Variants in EIF5A2 observed in about 807,000 individuals in gnomAD.
The protein encoded by EIF5A2 is eukaryotic translation initiation factor 5A-2.
In EIF5A2, 15 loss-of-function variants were observed where a neutral mutation model predicts 16.4. The ratio of observed to expected loss-of-function variants is 0.92; its 90% CI spans 0.61 to 1.41. EIF5A2 has a LOEUF of 1.41. EIF5A2 is among the 40% of genes most tolerant of loss of function. The pLI is 0.00. For synonymous variants in EIF5A2, 48 were observed against 61.1 expected (o/e 0.79, Z 1.00); for missense variants, 144 against 189.5 (o/e 0.76, Z 1.41).
chr3:170,894,151 G>GA, intron 4 of EIF5A2, 141 bp downstream of exon 4: 1 of 942,636 alleles, frequency 1.1e-6, no homozygotes. Flanking sequence ...GGGTTTTATG[G>GA]AAAACCTGCC....
In EIF5A2 at chr3:170,907,664, G is replaced by A. The variant is rs551131438; in HGVS notation, c.143C>T (p.Thr48Ile). ...CKIVEMSTSKTGKHGHAKVHL... is the reference protein window; with the variant it reads ...CKIVEMSTSKIGKHGHAKVHL... The stretch of plus-strand genomic sequence containing the variant: ...TACCTTGGCATGACCATGCTTTCCA[G>A]TTTTGGAAGTTGACATCTCCACTAT... The change falls in exon 2 of 5, where the codon ACT becomes ATT. Residue 48 changes from threonine (T) to isoleucine (I), a missense_variant. Thr to Ile is a moderately conservative substitution (Grantham distance 89). Coordinates refer to ENST00000295822, the MANE Select transcript of EIF5A2 (RefSeq NM_020390.6). The A allele has an allele frequency of 2.5e-6, 4 of 1,605,012 alleles. No individual in the cohort carries two copies. In the South Asian group the frequency reaches 3.3e-5, roughly 13 times the overall value.
At chr3:170,901,008 T>C (rs373827252) in intron 3 of EIF5A2, among the ~76,000 whole-genome samples, 2 of 152,210 alleles carry the variant, frequency 1.3e-5, no homozygotes, top group African/African-American at 4.8e-5. Context: ...GGAGTAGTCC[T>C]GCTAAAGGAA....
At chr3:170,900,304 T>G (rs1329154581) in intron 3 of EIF5A2, among the ~76,000 whole-genome samples, 1 of 147,832 alleles carries the variant, frequency 6.8e-6, no homozygotes, top group Non-Finnish European at 1.5e-5. Context: ...GAAGCAGAGG[T>G]TGTAGTGAGC....
intron 3 of EIF5A2, among the ~76,000 whole-genome samples, chr3:170,900,704 G>A (rs1383818804): frequency 6.6e-6 from 1 of 152,126 alleles, no homozygotes; most frequent in East Asian, 1.9e-4. Flanking sequence ...GTGGATGCTA[G>A]GAACCAATTT....
At chr3:170,896,928 T>G (rs1576787036) in intron 3 of EIF5A2, among the ~76,000 whole-genome samples, 1 of 152,162 alleles carries the variant, frequency 6.6e-6, no homozygotes, top group Non-Finnish European at 1.5e-5. Flanking sequence ...CAGGCTGAGG[T>G]GGTTTCAGAT....
intron 3 of EIF5A2, among the ~76,000 whole-genome samples, chr3:170,898,118 T>C (rs1392273083): frequency 6.6e-6 from 1 of 152,248 alleles, no homozygotes; most frequent in Non-Finnish European, 1.5e-5. Flanking sequence ...AATGCCTGTA[T>C]CCTCATTGTT....
In EIF5A2 at chr3:170,906,970, A is replaced by C; in HGVS notation, c.270+19T>G. ...ACCTTGAAGAAACAAGCAACATTCTAAAGAAAATCAGTGCTTACTTGATAA... is the reference window on the plus strand; with the variant it reads ...ACCTTGAAGAAACAAGCAACATTCTCAAGAAAATCAGTGCTTACTTGATAA... On this transcript the variant is annotated intron_variant, in intron 3 of 4. Coordinates refer to ENST00000295822, the MANE Select transcript of EIF5A2 (RefSeq NM_020390.6). The C allele has an allele frequency of 6.6e-7, 1 of 1,516,888 alleles. No homozygotes were observed. Among genetic ancestry groups the C allele is most frequent in the Non-Finnish European group, 9.1e-7 (1 of 1,102,156 alleles). The allele number at this position is 1,516,888 out of a possible 1,614,324, so 94.0% of individuals were successfully genotyped here. A position where few individuals can be genotyped will look rare whatever the true frequency, so the allele number is the denominator to read the frequency against.
At chr3:170,893,719 A>G (rs1353329526) in intron 4 of EIF5A2, among the ~76,000 whole-genome samples, 3 of 152,230 alleles carry the variant, frequency 2.0e-5, no homozygotes, top group African/African-American at 7.2e-5. Context: ...ACATTCCACT[A>G]GCATCATTTC....
At chr3:170,901,334 A>G (rs1232236163) in intron 3 of EIF5A2, among the ~76,000 whole-genome samples, 2 of 152,228 alleles carry the variant, frequency 1.3e-5, no homozygotes, top group African/African-American at 4.8e-5. Context: ...ATTCTAGAAT[A>G]AGCACTGTAA....
intron 3 of EIF5A2, among the ~76,000 whole-genome samples, chr3:170,903,544 T>C (rs1712862416): frequency 6.6e-6 from 1 of 152,202 alleles, no homozygotes; most frequent in South Asian, 2.1e-4. Context: ...CCCTTAATGA[T>C]CCTGTAACAA....
At chr3:170,895,337 A>G (rs1712642816) in intron 3 of EIF5A2, among the ~76,000 whole-genome samples, 1 of 147,212 alleles carries the variant, frequency 6.8e-6, no homozygotes, top group African/African-American at 2.5e-5. Context: ...AACATTAGTG[A>G]AAAAAAAAAA....
rs1712581925 is a variant in EIF5A2, at chr3:170,893,397, C to T, written c.425G>A (p.Ser142Asn). ...DVQVSVMCAM[S>N]EEYAVAIKPC... ...TTTTATGGCTACAGCATATTCTTCA[C>T]TCATTGCACACATGACAGACACCTA... The change falls in exon 5 of 5, where the codon AGT (serine) becomes AAT (asparagine). Residue 142 changes from serine to asparagine, a missense_variant. By Grantham distance (46) the Ser-to-Asn change is conservative. Transcript: ENST00000295822. The T allele has an allele frequency of 6.2e-7, 1 of 1,613,882 alleles. No individual in the cohort carries two copies. Among genetic ancestry groups the T allele is most frequent in the Admixed American group, 1.7e-5 (1 of 60,014 alleles).
At chr3:170,904,155 A>G (rs942800377) in intron 3 of EIF5A2, among the ~76,000 whole-genome samples, 1 of 152,254 alleles carries the variant, frequency 6.6e-6, no homozygotes, top group Non-Finnish European at 1.5e-5. Flanking sequence ...GACATCTATA[A>G]CTACTTTTGG....
At chr3:170,905,719 C>T (rs1227148485) in intron 3 of EIF5A2, among the ~76,000 whole-genome samples, 2 of 152,138 alleles carry the variant, frequency 1.3e-5, no homozygotes, top group Admixed American at 1.3e-4. Flanking sequence ...CAGAACAGCA[C>T]TTTTTGGTAC....
At chr3:170,893,973 A>G (rs1240096997) in intron 4 of EIF5A2, among the ~76,000 whole-genome samples, 2 of 151,844 alleles carry the variant, frequency 1.3e-5, no homozygotes, top group African/African-American at 2.4e-5. Flanking sequence ...GGAGGTTGCA[A>G]TGAGCCGAGA....
Position 170,906,109 on chromosome 3 carries a change from G to T in EIF5A2, c.270+880C>A, listed in dbSNP as rs1419435148. On this transcript the variant is annotated intron_variant, in intron 3 of 4. Coordinates refer to ENST00000295822, the MANE Select transcript of EIF5A2 (RefSeq NM_020390.6). Reference sequence around the variant, plus strand: ...AGAAATTTATACAATACAACAAAGGGTACAGAAAAAAATCAGTTTAAGTCG... The same window carrying T: ...AGAAATTTATACAATACAACAAAGGTTACAGAAAAAAATCAGTTTAAGTCG... 2.6e-5 allele frequency among the ~76,000 whole-genome samples: 4 copies of T among 152,200 alleles called. No individual in the cohort carries two copies. The East Asian group carries it at 5.8e-4, about 22-fold the overall frequency.
Position 170,892,928 on chromosome 3 carries a change from T to C in EIF5A2, c.*432A>G, listed in dbSNP as rs1378106355. ...GGCTGAAAGTGCAACAATTCCAATA[T>C]ATAATCAGTTCATTTTATATTAAAT... On this transcript the variant is annotated 3_prime_UTR_variant, in exon 5 of 5. Coordinates refer to ENST00000295822, the MANE Select transcript of EIF5A2 (RefSeq NM_020390.6). The C allele has an allele frequency of 7.5e-6, 3 of 399,110 alleles. No individual in the cohort carries two copies. Among genetic ancestry groups the C allele is most frequent in the African/African-American group, 2.1e-5 (1 of 48,618 alleles). 24.7% of individuals were successfully genotyped at this position (399,110 alleles called of 1,614,324 possible).
rs1339998540 is a variant in EIF5A2 at position 170,894,381 on chromosome 3, T to C, written c.313A>G (p.Thr105Ala). 6.2e-7 allele frequency: 1 copy of C among 1,614,048 alleles called. No homozygotes were observed. The highest frequency in any genetic ancestry group is 1.1e-5 in the South Asian group (1 of 91,076). Residue 105 changes from threonine (T) to alanine (A), a missense_variant, in exon 4 of 5, where the codon ACT becomes GCT. By Grantham distance (58) the Thr-to-Ala change is moderately conservative. Transcript: ENST00000295822. Reference protein sequence around the residue: ...QDGYLSLLTETGEVREDLKLP... With the variant: ...QDGYLSLLTEAGEVREDLKLP... ...TTAAGATCCTCACGAACTTCACCAG[T>C]TTCTGTCAGCAGGGAAAGGTAACCA...
At chr3:170,907,494 G>GT in intron 2 of EIF5A2, 148 bp downstream of exon 2, 1 of 927,228 alleles carries the variant, frequency 1.1e-6, no homozygotes, top group Non-Finnish European at 1.6e-6. Context: ...AGTATTCAAC[G>GT]TAATAACTGA....
Sources: allele counts gnomAD v4.1 joint callset (sites outside exome capture counted in the v4.1 genomes callset), GRCh38; gene constraint gnomAD v4.1.1; transcripts MANE v1.5; gene names NCBI Gene and HGNC (gene_info 2026-07-23, HGNC 2026-07-21).